The following ZNF292 variants were observed in gnomAD, a reference collection of about 807,000 sequenced individuals.
ZNF292 encodes the protein 16 zinc-finger domain protein.
Under a neutral mutation model 217.9 loss-of-function variants are expected in ZNF292, and 26 were observed. The ratio of observed to expected loss-of-function variants is 0.12; its 90% CI spans 0.09 to 0.17. The LOEUF is 0.17. Ranked by LOEUF, ZNF292 falls within the 10% of genes least tolerant of loss-of-function variation. The probability of loss-of-function intolerance (pLI) is 1.00; values close to 1 mark genes in which losing one functional copy is unlikely to be tolerated. For missense variants in ZNF292, 2,904 were observed against 3,175.2 expected (o/e 0.91, Z 2.05); for synonymous variants, 1,257 against 1,124.1 (o/e 1.12, Z -2.37).
chr6:87,232,307 T>C (rs1431798484), intron 4 of ZNF292, among the ~76,000 whole-genome samples: 6 of 152,078 alleles, frequency 3.9e-5, no homozygotes, highest in African/African-American at 1.4e-4. Context: ...ACAAAGGATA[T>C]TACAAGAAGT....
At chr6:87,212,575 C>T (rs1176388791) in intron 1 of ZNF292, among the ~76,000 whole-genome samples, 1 of 152,166 alleles carries the variant, frequency 6.6e-6, no homozygotes, top group Non-Finnish European at 1.5e-5. Flanking sequence ...GAACCTAGGA[C>T]AAAGACCAGT....
chr6:87,228,344 T>C (rs1341739468), intron 4 of ZNF292, among the ~76,000 whole-genome samples: 2 of 152,232 alleles, frequency 1.3e-5, no homozygotes, highest in Non-Finnish European at 2.9e-5. Context: ...ATCAGAGATA[T>C]GATTTGCAAA....
At chr6:87,201,897 A>G (rs1339667676) in intron 1 of ZNF292, among the ~76,000 whole-genome samples, 2 of 152,180 alleles carry the variant, frequency 1.3e-5, no homozygotes, top group Non-Finnish European at 2.9e-5. Context: ...GCTCTCACAT[A>G]TATGTAATTC....
At chr6:87,157,138 G>A (rs1770569428) in intron 1 of ZNF292, among the ~76,000 whole-genome samples, 1 of 152,140 alleles carries the variant, frequency 6.6e-6, no homozygotes, top group Admixed American at 6.5e-5. Context: ...GTTGCTGTAT[G>A]CACTTTATTG....
chr6:87,213,702 G>T (rs745843809), intron 1 of ZNF292: 1 of 152,276 alleles, frequency 6.6e-6, no homozygotes, highest in Non-Finnish European at 1.5e-5. Context: ...TACTGATTAG[G>T]ACTGGTGGGA....
At chr6:87,184,600 C>T (rs1270640784) in intron 1 of ZNF292, among the ~76,000 whole-genome samples, 4 of 150,444 alleles carry the variant, frequency 2.7e-5, no homozygotes, top group Admixed American at 6.7e-5. Context: ...AGAGAGAGAA[C>T]CAATAGGATA....
Position 87,261,468 on chromosome 6 carries a change from C to T in ZNF292, c.7839C>T (p.Asp2613=), listed in dbSNP as rs1775593377. The change falls in exon 8 of 8, where the codon GAC becomes GAT. Residue 2613 remains aspartate (D), a synonymous_variant. Coordinates refer to ENST00000369577, the MANE Select transcript of ZNF292 (RefSeq NM_015021.3). ...AGCAGAAGAAAAATACTGACAAAGA[C>T]CATCCGAATACTGGAAACAAAAAAG... The part of the protein sequence containing the change: ...AVKQKKNTDK[D]HPNTGNKKGS... The T allele has an allele frequency of 2.5e-6, 4 of 1,604,520 alleles. No individual in the cohort carries two copies. Among genetic ancestry groups the T allele is most frequent in the South Asian group, 2.2e-5 (2 of 89,924 alleles).
At position 87,256,695 on chromosome 6, in the gene ZNF292, A is replaced by T. The variant is rs774590003; in HGVS notation, c.3066A>T (p.Glu1022Asp). 1 of 1,613,236 alleles carries T rather than the reference A, an allele frequency of 6.2e-7. No individual in the cohort carries two copies. Among genetic ancestry groups the T allele is most frequent in the South Asian group, 1.1e-5 (1 of 91,078 alleles). ...KIGDLTPQNL[E>D]RQVNNLMTFS... ...GTGACCTTACCCCACAAAACTTAGA[A>T]AGACAAGTGAACAACTTGATGACCT... The change falls in exon 8 of 8, where the codon GAA (glutamate) becomes GAT (aspartate). Residue 1022 changes from glutamate (E) to aspartate (D), a missense_variant. Physicochemically the swap from Glu to Asp is conservative, Grantham distance 45. This residue lies in a region of ZNF292 where 687 missense variants were observed against 623.0 expected (regional missense o/e 1.10). Transcript: ENST00000369577.
In ZNF292 at chr6:87,174,788, A is replaced by G. The variant is rs573159307; in HGVS notation, c.168+19029A>G. On this transcript the variant is annotated intron_variant, in intron 1 of 7. Coordinates refer to ENST00000369577, the MANE Select transcript of ZNF292 (RefSeq NM_015021.3). ...CTCTGGAATCATGACACCGATGTGT[A>G]TATAGTATGAATAGGGGAATTATAC... Among the ~76,000 whole-genome samples the G allele has an allele frequency of 5.9e-5, 9 of 152,356 alleles. 1 individual carries two copies. The South Asian group carries it at 1.5e-3, about 25-fold the overall frequency.
At chr6:87,231,480 C>T (rs1773653081) in intron 4 of ZNF292, among the ~76,000 whole-genome samples, 2 of 152,134 alleles carry the variant, frequency 1.3e-5, no homozygotes, top group African/African-American at 2.4e-5. Flanking sequence ...AATGATGGAA[C>T]AGACAAAATG....
At chr6:87,170,614 C>G (rs1771067150) in intron 1 of ZNF292, among the ~76,000 whole-genome samples, 1 of 152,136 alleles carries the variant, frequency 6.6e-6, no homozygotes, top group Admixed American at 6.5e-5. Context: ...TGAGGATTTA[C>G]CTATAATTGA....
At chr6:87,197,722 CAAAA>C (rs11312557) in intron 1 of ZNF292, among the ~76,000 whole-genome samples, 128 of 77,340 alleles carry the variant, frequency 1.7e-3, no homozygotes, top group African/African-American at 4.3e-3. Flanking sequence ...CTCGCTGTTT[CAAAA>C]AAAAAAAAAA....
At position 87,255,627 on chromosome 6, in the gene ZNF292, G is replaced by A; in HGVS notation, c.1998G>A (p.Glu666=). The part of the protein sequence containing the change: ...DENDDKDKSY[E]PEVIPVQKPV... Reference sequence around the variant, plus strand: ...ATGATGACAAAGATAAATCCTATGAGCCAGAAGTGATTCCAGTCCAGAAAC... The same window carrying A: ...ATGATGACAAAGATAAATCCTATGAACCAGAAGTGATTCCAGTCCAGAAAC... The change falls in exon 8 of 8, where the codon GAG becomes GAA. Residue 666 remains glutamate, a synonymous_variant. Coordinates refer to ENST00000369577, the MANE Select transcript of ZNF292 (RefSeq NM_015021.3). 1.2e-6 allele frequency: 2 copies of A among 1,612,464 alleles called. No homozygotes were observed. The highest frequency in any genetic ancestry group is 2.2e-5 in the South Asian group (2 of 90,874).
rs1373888338 is a variant in ZNF292, at chr6:87,239,672, C to T, written c.742-3803C>T. Among the ~76,000 whole-genome samples the T allele has an allele frequency of 8.6e-5, 7 of 81,394 alleles. 1 individual carries two copies. In the East Asian group the frequency reaches 1.9e-3, roughly 22 times the overall value. The allele number at this position is 81,394 out of a possible 152,430, so 53.4% of individuals were successfully genotyped here. On this transcript the variant is annotated intron_variant, in intron 5 of 7. Coordinates refer to ENST00000369577, the MANE Select transcript of ZNF292 (RefSeq NM_015021.3). ...GCGGAGGGGCTCCTCACTTCTCAGA[C>T]GGGGCGGCTGCCGGGCGGAGGGGCT...
At chr6:87,189,892 T>C (rs1004204763) in intron 1 of ZNF292, among the ~76,000 whole-genome samples, 20 of 152,230 alleles carry the variant, frequency 1.3e-4, no homozygotes, top group Non-Finnish European at 1.3e-4. Flanking sequence ...ATAAACTATT[T>C]GGGATTCTTC....
intron 1 of ZNF292, among the ~76,000 whole-genome samples, chr6:87,165,485 A>G (rs1770883828): frequency 6.6e-6 from 1 of 152,224 alleles, no homozygotes; most frequent in Non-Finnish European, 1.5e-5. Flanking sequence ...TCACACTGAA[A>G]CAAAATGACC....
chr6:87,192,935 C>G (rs9444481), intron 1 of ZNF292, among the ~76,000 whole-genome samples: 1 of 151,932 alleles, frequency 6.6e-6, no homozygotes, highest in Admixed American at 6.5e-5. Flanking sequence ...TAGATTTGAC[C>G]AGGAATGTGT....
In ZNF292 at chr6:87,259,191, C is replaced by A; in HGVS notation, c.5562C>A (p.Ser1854=). Residue 1854 remains serine (S), a synonymous_variant, in exon 8 of 8, where the codon TCC becomes TCA. Transcript: ENST00000369577. ...AATTAAAATTAGAAAATGACCTATC[C>A]ACTCCAGCATCCCAATGTGTACTGA... is the stretch of plus-strand genomic sequence containing the variant. The part of the protein sequence containing the change: ...LQKLKLENDL[S]TPASQCVLIN... 6.2e-7 allele frequency: 1 copy of A among 1,613,604 alleles called. No individual in the cohort carries two copies. The highest frequency in any genetic ancestry group is 1.1e-5 in the South Asian group (1 of 91,072).
At chr6:87,183,959 A>AT (rs764887986) in intron 1 of ZNF292, among the ~76,000 whole-genome samples, 4 of 152,220 alleles carry the variant, frequency 2.6e-5, no homozygotes, top group Admixed American at 6.5e-5. Flanking sequence ...ATCTCAAGAG[A>AT]TTTTGTCTTT....
Sources: gnomAD v4.1 joint callset for allele counts (sites outside exome capture counted in the v4.1 genomes callset) on GRCh38, gnomAD v4.1.1 for gene constraint, gnomAD v4.1.1 regional missense constraint, MANE v1.5 for transcripts, NCBI Gene and HGNC (gene_info 2026-07-23, HGNC 2026-07-21) for gene names.